The following PCCA variants were observed in gnomAD, a reference collection of about 807,000 sequenced individuals.
PCCA encodes the protein propionyl-CoA carboxylase subunit alpha, also known as propionyl-CoA carboxylase alpha chain, mitochondrial.
In PCCA, 74 loss-of-function variants were observed where a neutral mutation model predicts 101.3. The ratio of observed to expected loss-of-function variants is 0.73; its 90% confidence interval spans 0.61 to 0.89. The LOEUF (loss-of-function observed/expected upper bound fraction) is 0.89. PCCA is among the 40% of genes least tolerant of loss of function. The pLI is 0.00. For synonymous variants in PCCA, 294 were observed against 313.6 expected (o/e 0.94, Z 0.66); for missense variants, 891 against 907.0 (o/e 0.98, Z 0.23).
intron 7 of PCCA, among the ~76,000 whole-genome samples, chr13:100,215,943 C>T (rs867981440): frequency 1.3e-5 from 2 of 151,904 alleles, no homozygotes; most frequent in African/African-American, 2.4e-5. Flanking sequence ...GCAGCCCTGC[C>T]GTATACTTTA....
chr13:100,141,930 A>G (rs967726739), intron 4 of PCCA, among the ~76,000 whole-genome samples: 3 of 152,260 alleles, frequency 2.0e-5, no homozygotes, highest in South Asian at 2.1e-4. Flanking sequence ...GTTGAATTAC[A>G]TAAGAGAGTG....
chr13:100,208,633 C>T (rs2059019319), intron 6 of PCCA, among the ~76,000 whole-genome samples: 1 of 152,104 alleles, frequency 6.6e-6, no homozygotes, highest in Non-Finnish European at 1.5e-5. Flanking sequence ...ATTTAAGTCA[C>T]TAGCTTTTTT....
intron 4 of PCCA, among the ~76,000 whole-genome samples, chr13:100,136,211 G>T (rs2051151291): frequency 8.1e-6 from 1 of 122,940 alleles, no homozygotes; most frequent in South Asian, 2.8e-4. Context: ...TTGAGATGGA[G>T]TTTCACTCTT....
At chr13:100,192,814 C>T (rs2057826848) in intron 6 of PCCA, among the ~76,000 whole-genome samples, 1 of 152,194 alleles carries the variant, frequency 6.6e-6, no homozygotes, top group Admixed American at 6.5e-5. Flanking sequence ...TCAAATGCTC[C>T]TTCCTTTGTG....
chr13:100,192,551 C>T lies in PCCA; in HGVS notation c.469-16781C>T, dbSNP rs80153335. 5.1e-3 allele frequency among the ~76,000 whole-genome samples: 777 copies of T among 152,268 alleles called. 7 individuals are homozygous for T. Among genetic ancestry groups the T allele is most frequent in the African/African-American group, 0.018 (751 of 41,558 alleles). ...TTGTTTGCAGGATCATTATTATTCT[C>T]TGATGATCAAAAAACTGTTTACGCA... On this transcript the variant is annotated intron_variant, in intron 6 of 23. Coordinates refer to ENST00000376285, the MANE Select transcript of PCCA (RefSeq NM_000282.4).
At chr13:100,382,996 C>T (rs376860208) in intron 19 of PCCA, among the ~76,000 whole-genome samples, 1 of 151,918 alleles carries the variant, frequency 6.6e-6, no homozygotes, top group Admixed American at 6.6e-5. Flanking sequence ...ACTGATGAGT[C>T]ACAGCTTAGA....
In PCCA at chr13:100,410,891, A is replaced by G. The variant is rs567664869; in HGVS notation, c.1747-14742A>G. On this transcript the variant is annotated intron_variant, in intron 19 of 23. Transcript: ENST00000376285. ...TATACTCTTTGACCTACTGTGAAATATATTTAAAGTAGAAGATTTATGTGT... is the reference window on the plus strand; with the variant it reads ...TATACTCTTTGACCTACTGTGAAATGTATTTAAAGTAGAAGATTTATGTGT... 1.5e-3 allele frequency among the ~76,000 whole-genome samples: 227 copies of G among 152,288 alleles called. 2 individuals carry two copies. Among genetic ancestry groups the G allele is most frequent in the African/African-American group, 5.2e-3 (216 of 41,550 alleles).
At chr13:100,200,713 C>A (rs2152462568) in intron 6 of PCCA, among the ~76,000 whole-genome samples, 1 of 150,286 alleles carries the variant, frequency 6.7e-6, no homozygotes, top group Non-Finnish European at 1.5e-5. Flanking sequence ...CAACCCTAAC[C>A]CAAAATAGGG....
chr13:100,418,952 C>T (rs1422475164), intron 19 of PCCA, among the ~76,000 whole-genome samples: 3 of 151,960 alleles, frequency 2.0e-5, no homozygotes, highest in Non-Finnish European at 4.4e-5. Flanking sequence ...CTCCCCTTCT[C>T]TCTGCTCCAT....
intron 4 of PCCA, among the ~76,000 whole-genome samples, chr13:100,127,179 T>C (rs1471583040): frequency 6.6e-6 from 1 of 152,230 alleles, no homozygotes; most frequent in Non-Finnish European, 1.5e-5. Context: ...AGTATCTTCA[T>C]GTATGACTTA....
intron 4 of PCCA, among the ~76,000 whole-genome samples, chr13:100,137,014 A>G (rs1052575895): frequency 2.6e-5 from 4 of 151,856 alleles, no homozygotes; most frequent in African/African-American, 7.2e-5. Context: ...ATTTAATACT[A>G]TAATTTTCTC....
At chr13:100,259,688 G>C (rs1240851628) in intron 9 of PCCA, among the ~76,000 whole-genome samples, 1 of 152,074 alleles carries the variant, frequency 6.6e-6, no homozygotes, top group Admixed American at 6.5e-5. Context: ...GGTTCACTTA[G>C]ATATTTTCAT....
chr13:100,310,933 T>C (rs979103559), intron 16 of PCCA, among the ~76,000 whole-genome samples: 3 of 152,104 alleles, frequency 2.0e-5, no homozygotes, highest in African/African-American at 7.2e-5. Flanking sequence ...CCTGACGCCA[T>C]TTAATAATTA....
chr13:100,459,235 T>C (rs2082012734), intron 21 of PCCA, among the ~76,000 whole-genome samples: 1 of 152,216 alleles, frequency 6.6e-6, no homozygotes, highest in African/African-American at 2.4e-5. Flanking sequence ...TCATTATGTC[T>C]GCAAAGACCC....
intron 7 of PCCA, among the ~76,000 whole-genome samples, chr13:100,214,279 A>G (rs2059388010): frequency 6.6e-6 from 1 of 152,022 alleles, no homozygotes. Flanking sequence ...GATAAGGATT[A>G]TATTGAATCG....
At chr13:100,233,743 C>T (rs1485689920) in intron 7 of PCCA, among the ~76,000 whole-genome samples, 1 of 152,062 alleles carries the variant, frequency 6.6e-6, no homozygotes. Flanking sequence ...TTTAAGGCAG[C>T]TTGATTTTAT....
At chr13:100,170,406 T>C (rs2055517432) in intron 6 of PCCA, among the ~76,000 whole-genome samples, 2 of 152,228 alleles carry the variant, frequency 1.3e-5, no homozygotes, top group African/African-American at 4.8e-5. Context: ...ATGCATGCTT[T>C]CTAAAACAGG....
At chr13:100,100,991 TG>T (rs2047229388) in intron 1 of PCCA, among the ~76,000 whole-genome samples, 1 of 152,030 alleles carries the variant, frequency 6.6e-6, no homozygotes, top group Non-Finnish European at 1.5e-5. Flanking sequence ...TTAGTAGAGA[TG>T]GGGTTTCTCC....
intron 19 of PCCA, among the ~76,000 whole-genome samples, chr13:100,380,128 A>G (rs1355075482): frequency 6.6e-6 from 1 of 152,066 alleles, no homozygotes; most frequent in Non-Finnish European, 1.5e-5. Context: ...TTGGGAGGCC[A>G]AGGCAGGAGG....
Sources: gnomAD v4.1 joint callset for allele counts (sites outside exome capture counted in the v4.1 genomes callset) on GRCh38, gnomAD v4.1.1 for gene constraint, MANE v1.5 for transcripts, NCBI Gene and HGNC (gene_info 2026-07-23, HGNC 2026-07-21) for gene names.